SLC71A2: variants seen among roughly 807,000 people sequenced by gnomAD.
The protein encoded by SLC71A2 is hippocampus abundant transcript-like 1.
the SLC71A2 span, among the ~76,000 whole-genome samples, chr9:94,390,400 C>T: frequency 1.3e-5 from 2 of 149,748 alleles, no homozygotes; most frequent in Non-Finnish European, 3.0e-5. Flanking sequence ...GAAGGTGTTG[C>T]CAGGACATCT....
At chr9:94,435,072 T>G in the SLC71A2 span, among the ~76,000 whole-genome samples, 1 of 152,234 alleles carries the variant, frequency 6.6e-6, no homozygotes, top group Admixed American at 6.5e-5. Flanking sequence ...ATCCTCACTT[T>G]CATCTTTCTT....
At chr9:94,447,450 G>T in the SLC71A2 span, among the ~76,000 whole-genome samples, 5 of 150,880 alleles carry the variant, frequency 3.3e-5, no homozygotes, top group African/African-American at 1.2e-4. Flanking sequence ...AAAATGCTGG[G>T]ATTACAGGCG....
chr9:94,378,312 A>G, the SLC71A2 span, among the ~76,000 whole-genome samples: 3 of 151,992 alleles, frequency 2.0e-5, no homozygotes, highest in African/African-American at 7.2e-5. Context: ...GCGAAGGGGA[A>G]GCAGCTTATC....
At chr9:94,403,205 C>T in the SLC71A2 span, among the ~76,000 whole-genome samples, 1 of 152,124 alleles carries the variant, frequency 6.6e-6, no homozygotes, top group Non-Finnish European at 1.5e-5. Flanking sequence ...GGCGCGATCT[C>T]GGCTCACTGC....
the SLC71A2 span, chr9:94,453,960 G>A: frequency 2.4e-5 from 38 of 1,607,022 alleles, no homozygotes; most frequent in East Asian, 6.5e-4. Context: ...CTTTGCAGAC[G>A]GCCTTTCTTA....
chr9:94,398,291 A>G, the SLC71A2 span, among the ~76,000 whole-genome samples: 8 of 150,804 alleles, frequency 5.3e-5, no homozygotes, highest in East Asian at 9.7e-4. Flanking sequence ...TTAAGGCCCA[A>G]TAATGAGATG....
chr9:94,402,749 C>T, the SLC71A2 span, among the ~76,000 whole-genome samples: 16 of 152,288 alleles, frequency 1.1e-4, no homozygotes, highest in Admixed American at 2.0e-4. Context: ...TGACTTTAGT[C>T]TTGTACCTAC....
At chr9:94,418,046 G>A in the SLC71A2 span, among the ~76,000 whole-genome samples, 17 of 151,786 alleles carry the variant, frequency 1.1e-4, no homozygotes, top group Admixed American at 3.3e-4. Flanking sequence ...TAGTAGAGAC[G>A]ACGGGAGGGT....
At chr9:94,389,580 A>G in the SLC71A2 span, among the ~76,000 whole-genome samples, 3 of 147,776 alleles carry the variant, frequency 2.0e-5, no homozygotes, top group Non-Finnish European at 3.0e-5. Context: ...TGCCCAGCCT[A>G]TGCTTAATTC....
the SLC71A2 span, among the ~76,000 whole-genome samples, chr9:94,414,803 AGCCTGCCACCAT>A: frequency 6.6e-6 from 1 of 152,052 alleles, no homozygotes; most frequent in Non-Finnish European, 1.5e-5. Flanking sequence ...GGGACCAAGT[AGCCTGCCACCAT>A]GCCTGGCTAA....
the SLC71A2 span, among the ~76,000 whole-genome samples, chr9:94,418,013 C>T: frequency 2.6e-5 from 4 of 151,926 alleles, no homozygotes; most frequent in Non-Finnish European, 4.4e-5. Flanking sequence ...TGTGCCACCA[C>T]GCCCGGCTAA....
chr9:94,399,013 A>G, the SLC71A2 span, among the ~76,000 whole-genome samples: 27 of 149,790 alleles, frequency 1.8e-4, no homozygotes, highest in Non-Finnish European at 3.6e-4. Flanking sequence ...ATGGGGTTTC[A>G]CCATTTTGGC....
At chr9:94,452,367 C>T in the SLC71A2 span, among the ~76,000 whole-genome samples, 9 of 152,124 alleles carry the variant, frequency 5.9e-5, no homozygotes, top group African/African-American at 1.9e-4. Context: ...GAGGCCAAGG[C>T]AGGTGGATCA....
At chr9:94,459,595 CTT>C in the SLC71A2 span, 65 of 456,482 alleles carry the variant, frequency 1.4e-4, no homozygotes, top group African/African-American at 3.5e-4. Flanking sequence ...CTCTTACATT[CTT>C]TTTTTTTTTC....
At chr9:94,451,780 T>C in the SLC71A2 span, among the ~76,000 whole-genome samples, 7 of 152,362 alleles carry the variant, frequency 4.6e-5, no homozygotes, top group East Asian at 1.2e-3. Context: ...GGTTGTAATT[T>C]AGGGGAAATT....
chr9:94,405,538 G>A, the SLC71A2 span, among the ~76,000 whole-genome samples: 1 of 148,198 alleles, frequency 6.7e-6, no homozygotes, highest in Non-Finnish European at 1.5e-5. Flanking sequence ...TTGCCATGTT[G>A]CCCAGACTGG....
chr9:94,398,532 T>G, the SLC71A2 span, among the ~76,000 whole-genome samples: 2 of 152,210 alleles, frequency 1.3e-5, no homozygotes, highest in African/African-American at 4.8e-5. Flanking sequence ...TACATTTACT[T>G]AATCTAAATG....
chr9:94,405,635 G>A, the SLC71A2 span, among the ~76,000 whole-genome samples: 1 of 152,172 alleles, frequency 6.6e-6, no homozygotes, highest in African/African-American at 2.4e-5. Flanking sequence ...GCCCACTTGG[G>A]CTTTTTATTC....
chr9:94,406,865 C>T, the SLC71A2 span, among the ~76,000 whole-genome samples: 1 of 152,114 alleles, frequency 6.6e-6, no homozygotes, highest in Non-Finnish European at 1.5e-5. Context: ...AATTTTACTT[C>T]TTCATTTCCA....
Sources: allele counts gnomAD v4.1 joint callset (sites outside exome capture counted in the v4.1 genomes callset), GRCh38; gene constraint gnomAD v4.1.1; transcripts MANE v1.5; gene names NCBI Gene and HGNC (gene_info 2026-07-23, HGNC 2026-07-21).